The following TRIM37 variants were observed in gnomAD, a reference collection of about 807,000 sequenced individuals.
TRIM37 encodes E3 ubiquitin-protein ligase TRIM37.
A neutral mutation model predicts 129.8 loss-of-function variants in TRIM37; 80 were observed. The observed-to-expected ratio is 0.62, with a 90% CI of 0.51 to 0.74. The LOEUF is 0.74. Ranked by LOEUF, TRIM37 falls within the 30% of genes least tolerant of loss-of-function variation. The pLI, the probability that TRIM37 is intolerant of heterozygous loss-of-function variation, is 0.00. For missense variants in TRIM37, 1,054 were observed against 1,176.5 expected, an observed-to-expected ratio of 0.90 and a Z score of 1.52; for synonymous variants, 389 against 387.1, an observed-to-expected ratio of 1.00 and a Z score of -0.06.
chr17:59,040,903 G>A (rs867541597), intron 17 of TRIM37, among the ~76,000 whole-genome samples: 20 of 151,848 alleles, frequency 1.3e-4, no homozygotes, highest in South Asian at 4.2e-4. Context: ...AAAATTAGCC[G>A]GGCGCGGTGG....
downstream of TRIM37, among the ~76,000 whole-genome samples, chr17:58,993,635 G>T (rs140311347): frequency 7.2e-4 from 109 of 152,320 alleles, no homozygotes; most frequent in African/African-American, 2.5e-3. Context: ...CTGTGGGGAA[G>T]GGGGGTGGTT....
chr17:58,972,319 G>A, the TRIM37 span: 1 of 1,548,832 alleles, frequency 6.5e-7, no homozygotes, highest in African/African-American at 1.4e-5. Flanking sequence ...CTAGTTATTA[G>A]TTTAGATTTT....
intron 9 of TRIM37, among the ~76,000 whole-genome samples, chr17:59,066,471 T>C (rs892074195): frequency 1.3e-5 from 2 of 152,122 alleles, no homozygotes; most frequent in Non-Finnish European, 2.9e-5. Flanking sequence ...TTATTGGCCA[T>C]TAAGGGTCAA....
intron 9 of TRIM37, 88 bp from the exon 10 acceptor site, chr17:59,064,493 T>G: frequency 2.3e-6 from 2 of 870,700 alleles, no homozygotes; most frequent in Non-Finnish European, 3.6e-6. Context: ...ACTAGTATCT[T>G]AAAAACTTTA....
chr17:58,999,355 GTCAGTTC>G lies in TRIM37; in HGVS notation c.*15_*21del. ...AATTCAGGGTCAAGGTAGCTTGCAA[GTCAGTTC>G]TCTTGATTTGGCAATTACCTTCCAC... On this transcript the variant is annotated 3_prime_UTR_variant, in exon 24 of 24. Coordinates refer to ENST00000262294, the MANE Select transcript of TRIM37 (RefSeq NM_015294.6). 4 of 1,613,736 alleles carry G rather than the reference GTCAGTTC, an allele frequency of 2.5e-6. No homozygotes were observed. The highest frequency in any genetic ancestry group is 3.4e-6 in the Non-Finnish European group (4 of 1,179,826).
chr17:59,086,627 A>G (rs2043778870), intron 4 of TRIM37, among the ~76,000 whole-genome samples: 1 of 152,240 alleles, frequency 6.6e-6, no homozygotes, highest in Non-Finnish European at 1.5e-5. Context: ...TTATATTTCT[A>G]ATTCATAAGT....
intron 22 of TRIM37, among the ~76,000 whole-genome samples, chr17:59,003,923 A>G (rs934592696): frequency 2.4e-4 from 10 of 42,074 alleles, no homozygotes; most frequent in African/African-American, 8.5e-4. Context: ...CCATCTCTAT[A>G]AAAAAAAAAA....
chr17:59,101,677 A>ATATAT (rs1219166086), intron 2 of TRIM37, among the ~76,000 whole-genome samples: 19 of 101,504 alleles, frequency 1.9e-4, no homozygotes, highest in Non-Finnish European at 2.5e-4. Context: ...AAAAAAAAAA[A>ATATAT]ATATATATAT....
intron 12 of TRIM37, among the ~76,000 whole-genome samples, chr17:59,060,468 T>A (rs1047699942): frequency 1.3e-5 from 2 of 152,138 alleles, no homozygotes; most frequent in African/African-American, 4.8e-5. Context: ...TTAATATGAT[T>A]CCAGATCCCA....
At chr17:59,021,401 C>CA (rs895388614) in intron 19 of TRIM37, among the ~76,000 whole-genome samples, 188 of 145,558 alleles carry the variant, frequency 1.3e-3, no homozygotes, top group African/African-American at 3.8e-3. Context: ...TCTCAAAAAA[C>CA]AAAAAAAAAA....
At chr17:58,996,792 A>ATATG (rs371226896), downstream of TRIM37, among the ~76,000 whole-genome samples, 527 of 79,388 alleles carry the variant, frequency 6.6e-3, no homozygotes, top group African/African-American at 0.017. Flanking sequence ...GTATATATAT[A>ATATG]TGTGTGTGTG....
chr17:59,079,639 G>A, intron 7 of TRIM37, 115 bp downstream of exon 7: 1 of 1,274,616 alleles, frequency 7.8e-7, no homozygotes. Context: ...TAACAACATG[G>A]AGTTGCCTAA....
chr17:59,071,096 A>G (rs2042323190), intron 8 of TRIM37, 149 bp from the exon 9 acceptor site: 8 of 893,812 alleles, frequency 9.0e-6, no homozygotes, highest in Non-Finnish European at 1.3e-5. Context: ...GAATGTACAA[A>G]GAATCTAGGT....
rs541795765 is a variant in TRIM37 at position 59,000,922 on chromosome 17, C to T, written c.2812+676G>A. On this transcript the variant is annotated intron_variant, in intron 23 of 23. Transcript: ENST00000262294. ...TGAAAATTCTTCTTTGGGCTGGGCA[C>T]GGTGGCTCACGCCTGTAATACCAGG... Among the ~76,000 whole-genome samples, 35 of 152,048 alleles carry T rather than the reference C, an allele frequency of 2.3e-4. 3 individuals carry two copies. In the South Asian group the frequency reaches 6.4e-3, roughly 28 times the overall value.
At chr17:58,977,963 G>C (rs545951573), downstream of TRIM37, among the ~76,000 whole-genome samples, 1 of 152,124 alleles carries the variant, frequency 6.6e-6, no homozygotes, top group Non-Finnish European at 1.5e-5. Context: ...GGCTGGCTTC[G>C]TACTCCCGAC....
At chr17:59,058,813 A>C (rs1054993089) in intron 12 of TRIM37, among the ~76,000 whole-genome samples, 2 of 152,128 alleles carry the variant, frequency 1.3e-5, no homozygotes, top group African/African-American at 4.8e-5. Context: ...GCAGTGAGCC[A>C]TAATTGTGCC....
intron 12 of TRIM37, among the ~76,000 whole-genome samples, 181 bp from the exon 13 acceptor site, chr17:59,057,235 G>C (rs1055224644): frequency 6.6e-6 from 1 of 152,030 alleles, no homozygotes; most frequent in Admixed American, 6.6e-5. Flanking sequence ...ATTTATTTAA[G>C]ATGGAGTTTC....
At chr17:58,979,919 T>A (rs891929811), downstream of TRIM37, 7 of 1,420,580 alleles carry the variant, frequency 4.9e-6, no homozygotes, top group African/African-American at 8.5e-5. Flanking sequence ...TAAACGTTCT[T>A]AGCATGCAAG....
intron 3 of TRIM37, 58 bp downstream of exon 3, chr17:59,091,242 G>A: frequency 7.3e-7 from 1 of 1,370,800 alleles, no homozygotes; most frequent in Non-Finnish European, 1.0e-6. Flanking sequence ...TGAATCCCAA[G>A]GCACATTCTG....
Sources: gnomAD v4.1 joint callset for allele counts (sites outside exome capture counted in the v4.1 genomes callset) on GRCh38, gnomAD v4.1.1 for gene constraint, MANE v1.5 for transcripts, NCBI Gene and HGNC (gene_info 2026-07-23, HGNC 2026-07-21) for gene names.